Variants in ZNF532 observed in about 807,000 individuals in gnomAD.
The protein encoded by ZNF532 is zinc finger protein 532.
Under a neutral mutation model 89.3 loss-of-function variants are expected in ZNF532, and 22 were observed. The ratio of observed to expected loss-of-function variants is 0.25; its 90% CI spans 0.18 to 0.35. The LOEUF (loss-of-function observed/expected upper bound fraction) is 0.35. Ranked by LOEUF, ZNF532 falls within the 10% of genes least tolerant of loss-of-function variation. The pLI is 1.00. For synonymous variants in ZNF532, 606 were observed against 649.6 expected (o/e 0.93, Z 1.02); for missense variants, 1,132 against 1,643.4 (o/e 0.69, Z 5.38).
At chr18:58,973,875 A>G (rs2066741568) in intron 7 of ZNF532, among the ~76,000 whole-genome samples, 2 of 152,206 alleles carry the variant, frequency 1.3e-5, no homozygotes, top group South Asian at 4.1e-4. Flanking sequence ...GAGTGAAAGA[A>G]GCGAGACTCA....
rs1301205656 is a variant in ZNF532 at position 58,920,397 on chromosome 18, A to G, written c.2110A>G (p.Thr704Ala). 1.9e-6 allele frequency: 3 copies of G among 1,613,526 alleles called. No homozygotes were observed. Among genetic ancestry groups the G allele is most frequent in the Admixed American group, 1.7e-5 (1 of 59,970 alleles). The change falls in exon 3 of 10, where the codon ACT (threonine) becomes GCT (alanine). Residue 704 changes from threonine (T) to alanine (A), a missense_variant. Around this residue, in one of 9 missense-constraint regions of ZNF532, gnomAD observed 100 missense variants for 122.0 expected, o/e 0.82. Transcript: ENST00000591808. ...AAGCAATACTTCCACTTCAACTTCC[A>G]CTCTTCAGAGCCCTGTGGGAGCTGG... ...PSSNTSTSTSTLQSPVGAGTH... is the reference protein window; with the variant it reads ...PSSNTSTSTSALQSPVGAGTH...
chr18:58,938,354 G>A (rs2062649715), intron 4 of ZNF532, among the ~76,000 whole-genome samples: 1 of 152,224 alleles, frequency 6.6e-6, no homozygotes, highest in African/African-American at 2.4e-5. Context: ...GTGTTGCTTA[G>A]AGTCTTTGTG....
At chr18:58,944,426 G>A (rs745685791) in intron 5 of ZNF532, among the ~76,000 whole-genome samples, 1 of 151,540 alleles carries the variant, frequency 6.6e-6, no homozygotes, top group Non-Finnish European at 1.5e-5. Context: ...CTACTCATCC[G>A]ATCTTGCATT....
At chr18:58,908,008 T>C (rs1279939475) in intron 2 of ZNF532, among the ~76,000 whole-genome samples, 2 of 152,214 alleles carry the variant, frequency 1.3e-5, no homozygotes, top group Non-Finnish European at 2.9e-5. Flanking sequence ...CTCTTTTCTG[T>C]GATTCTTAAA....
intron 7 of ZNF532, among the ~76,000 whole-genome samples, chr18:58,968,220 G>C (rs984086356): frequency 3.9e-5 from 6 of 152,182 alleles, no homozygotes; most frequent in African/African-American, 1.4e-4. Flanking sequence ...GGCTGGTGCT[G>C]TTGCTGAGAC....
At position 58,984,211 on chromosome 18, in the gene ZNF532, T is replaced by C; in HGVS notation, c.3651T>C (p.Ser1217=). 6.2e-7 allele frequency: 1 copy of C among 1,611,934 alleles called. No individual in the cohort carries two copies. Among genetic ancestry groups the C allele is most frequent in the Non-Finnish European group, 8.5e-7 (1 of 1,179,856 alleles). Residue 1217 remains serine (S), a synonymous_variant, in exon 10 of 10, where the codon TCT becomes TCC. Coordinates refer to ENST00000591808, the MANE Select transcript of ZNF532 (RefSeq NM_001375912.1). ...ECGLCYTSHV[S]LSRHLFIVHK... is the part of the protein sequence containing the mutation. The stretch of plus-strand genomic sequence containing the variant: ...GCCTCTGCTACACGTCTCACGTCTC[T>C]CTGTCCAGGCACCTCTTCATCGTAC...
At chr18:58,880,185 G>A (rs567999136) in intron 2 of ZNF532, among the ~76,000 whole-genome samples, 3 of 152,290 alleles carry the variant, frequency 2.0e-5, no homozygotes, top group South Asian at 2.1e-4. Context: ...TGTCTGGCTC[G>A]ATAGACACTT....
intron 2 of ZNF532, among the ~76,000 whole-genome samples, chr18:58,909,411 C>T (rs953769839): frequency 1.3e-5 from 2 of 151,712 alleles, no homozygotes; most frequent in South Asian, 2.1e-4. Flanking sequence ...AATGGAAAGA[C>T]GACTCTTAAG....
At chr18:58,923,618 A>G (rs2146199460) in intron 3 of ZNF532, among the ~76,000 whole-genome samples, 1 of 152,238 alleles carries the variant, frequency 6.6e-6, no homozygotes, top group African/African-American at 2.4e-5. Flanking sequence ...GCAGTAAGAC[A>G]GGGAGAAAAG....
intron 2 of ZNF532, among the ~76,000 whole-genome samples, chr18:58,895,857 C>CT (rs145464064): frequency 0.1 from 14,855 of 143,942 alleles, 1,296 homozygotes; most frequent in East Asian, 0.37. Context: ...TTCTTTCTTT[C>CT]TTTTTTTTTT....
chr18:58,872,941 G>A (rs2057118605), intron 2 of ZNF532, among the ~76,000 whole-genome samples: 1 of 151,784 alleles, frequency 6.6e-6, no homozygotes, highest in African/African-American at 2.4e-5. Context: ...CCTGTGGTCT[G>A]CCCACCTTGG....
At chr18:58,868,202 C>T (rs1186183105) in intron 2 of ZNF532, among the ~76,000 whole-genome samples, 1 of 152,216 alleles carries the variant, frequency 6.6e-6, no homozygotes, top group Non-Finnish European at 1.5e-5. Flanking sequence ...CCATCATGTA[C>T]TCCTAATCCC....
At chr18:58,925,177 C>G (rs909036537) in intron 3 of ZNF532, among the ~76,000 whole-genome samples, 9 of 152,100 alleles carry the variant, frequency 5.9e-5, no homozygotes, top group Non-Finnish European at 1.0e-4. Context: ...GGTATTTGCA[C>G]GTTTAGACTC....
At chr18:58,881,813 C>A (rs1038922434) in intron 2 of ZNF532, among the ~76,000 whole-genome samples, 1 of 152,228 alleles carries the variant, frequency 6.6e-6, no homozygotes, top group Non-Finnish European at 1.5e-5. Flanking sequence ...GCTGTAGCTA[C>A]TCAATGTCCA....
intron 7 of ZNF532, among the ~76,000 whole-genome samples, chr18:58,965,278 G>T (rs866279353): frequency 4.1e-4 from 62 of 152,286 alleles, no homozygotes; most frequent in African/African-American, 1.4e-3. Flanking sequence ...GGCTAACACT[G>T]TCTGAGGGCT....
intron 7 of ZNF532, among the ~76,000 whole-genome samples, chr18:58,966,738 GTTTTTTT>G (rs540133909): frequency 0.26 from 32,338 of 126,046 alleles, 5,083 homozygotes; most frequent in African/African-American, 0.48. Context: ...ATTTTTTTGT[GTTTTTTT>G]TTTTTTTTTT....
intron 3 of ZNF532, among the ~76,000 whole-genome samples, chr18:58,929,711 C>T (rs965221117): frequency 5.9e-5 from 9 of 152,176 alleles, no homozygotes; most frequent in East Asian, 1.9e-4. Flanking sequence ...GATTTTTTTG[C>T]GTAGCAGAAT....
At chr18:58,978,031 A>C (rs1210737386) in intron 7 of ZNF532, among the ~76,000 whole-genome samples, 1 of 152,204 alleles carries the variant, frequency 6.6e-6, no homozygotes, top group African/African-American at 2.4e-5. Flanking sequence ...CCAGACTGCT[A>C]TGCATGTCAT....
At chr18:58,964,008 T>C (rs2065649465) in intron 7 of ZNF532, 1 of 152,114 alleles carries the variant, frequency 6.6e-6, no homozygotes, top group Admixed American at 6.5e-5. Context: ...ACTGTGGTGA[T>C]GGCCATTAGT....
Sources: gnomAD v4.1 joint callset for allele counts (sites outside exome capture counted in the v4.1 genomes callset) on GRCh38, gnomAD v4.1.1 for gene constraint, gnomAD v4.1.1 regional missense constraint, MANE v1.5 for transcripts, NCBI Gene and HGNC (gene_info 2026-07-23, HGNC 2026-07-21) for gene names.